Variants in MAP3K4 observed in about 807,000 individuals in gnomAD.
MAP3K4 encodes mitogen-activated protein kinase kinase kinase 4.
Under a neutral mutation model 185.6 loss-of-function variants are expected in MAP3K4, and 67 were observed. That is an observed-to-expected ratio of 0.36 (90% CI 0.30 to 0.44). The LOEUF (loss-of-function observed/expected upper bound fraction) is 0.44, where lower values mean the gene tolerates loss of function less well. MAP3K4 is among the 20% of genes least tolerant of loss of function. The pLI, the probability that MAP3K4 is intolerant of heterozygous loss-of-function variation, is 1.00. For synonymous variants in MAP3K4, 702 were observed against 710.4 expected (o/e 0.99, Z 0.19); for missense variants, 1,551 against 1,995.1 (o/e 0.78, Z 4.24).
At chr6:161,036,246 A>G (rs1288903951) in intron 2 of MAP3K4, among the ~76,000 whole-genome samples, 1 of 152,222 alleles carries the variant, frequency 6.6e-6, no homozygotes, top group Non-Finnish European at 1.5e-5. Context: ...CTCAGAGATC[A>G]TTTGCTCAAG....
rs901634738 is a variant in MAP3K4, at chr6:161,076,316, A to G, written c.2097+2704A>G. ...ACAGAAGGAGCGCGAGCTATACCGC[A>G]GCCTTCTCTGGTTGTCAGGAAGACT... On this transcript the variant is annotated intron_variant, in intron 5 of 26. Transcript: ENST00000392142. This position sits in a 1 kb window ranked among gnomAD's most constrained non-coding sequence, Gnocchi z 4.2. Among the ~76,000 whole-genome samples the G allele has an allele frequency of 2.6e-5, 4 of 152,206 alleles. No individual in the cohort carries two copies. Among genetic ancestry groups the G allele is most frequent in the African/African-American group, 9.7e-5 (4 of 41,446 alleles).
intron 15 of MAP3K4, among the ~76,000 whole-genome samples, chr6:161,095,686 A>G (rs1777534801): frequency 6.6e-6 from 1 of 152,216 alleles, no homozygotes; most frequent in Non-Finnish European, 1.5e-5. Flanking sequence ...TGTGGCCGTC[A>G]TGAATGTACT....
chr6:161,101,655 A>G lies in MAP3K4; in HGVS notation c.3675-237A>G. ...ACAGACTCCAGAGGACGGTCTCCAC[A>G]GCAGCGCTGTTCACTTAGGGGGCTG... is the stretch of plus-strand genomic sequence containing the variant. On this transcript the variant is annotated intron_variant, in intron 17 of 26. Transcript: ENST00000392142. This position sits in a 1 kb window ranked among gnomAD's most constrained non-coding sequence, Gnocchi z 5.1. The G allele has an allele frequency of 2.3e-6, 1 of 436,442 alleles. No individual in the cohort carries two copies. The allele number at this position is 436,442 out of a possible 1,614,324, so 27.0% of individuals were successfully genotyped here.
rs934648994 is a variant in MAP3K4, at chr6:161,049,421, A to G, written c.1149A>G (p.Ala383=). 7.4e-6 allele frequency: 12 copies of G among 1,614,120 alleles called. No individual in the cohort carries two copies. Among genetic ancestry groups the G allele is most frequent in the African/African-American group, 1.3e-5 (1 of 75,074 alleles). Residue 383 remains alanine, a synonymous_variant, in exon 3 of 27, where the codon GCA becomes GCG. Transcript: ENST00000392142. This position sits in a 1 kb window ranked among gnomAD's most constrained non-coding sequence, Gnocchi z 8.4. The stretch of plus-strand genomic sequence containing the variant: ...AGAAGGACTATGAAAAATATGCTGC[A>G]AAAGACTTCCAGGACAGGGTGCAGG... ...ALQKDYEKYA[A]KDFQDRVQAL...
rs943791766 is a variant in MAP3K4 at position 161,051,007 on chromosome 6, C to T, written c.1707+1028C>T. 6.6e-6 allele frequency among the ~76,000 whole-genome samples: 1 copy of T among 152,152 alleles called. No homozygotes were observed. The highest frequency in any genetic ancestry group is 1.5e-5 in the Non-Finnish European group (1 of 68,036). On this transcript the variant is annotated intron_variant, in intron 3 of 26. Coordinates refer to ENST00000392142, the MANE Select transcript of MAP3K4 (RefSeq NM_005922.4). The surrounding 1 kb of genome is among the most constrained non-coding windows in gnomAD (Gnocchi z 4.2). Reference sequence around the variant, plus strand: ...TTTGCATATAACCAATGCACAACCTCGTATGCTTTAATCTCGAGATTATGT... The same window carrying T: ...TTTGCATATAACCAATGCACAACCTTGTATGCTTTAATCTCGAGATTATGT...
intron 1 of MAP3K4, among the ~76,000 whole-genome samples, chr6:161,003,475 G>C (rs757994311): frequency 4.6e-5 from 7 of 152,122 alleles, no homozygotes; most frequent in Non-Finnish European, 7.3e-5. Flanking sequence ...CTTGATTAGA[G>C]TTCTAGAAAT....
chr6:161,057,508 AG>A (rs1288102008), intron 3 of MAP3K4, among the ~76,000 whole-genome samples: 1 of 152,190 alleles, frequency 6.6e-6, no homozygotes, highest in Non-Finnish European at 1.5e-5. Flanking sequence ...CATTACCTAG[AG>A]GGCTTTTAAA....
In MAP3K4 at chr6:161,091,663, CTT is replaced by C. The variant is rs749791970; in HGVS notation, c.3135+124_3135+125del. ...ATCATAGCTTAATCAAGAATATCATCTTATATCACTGCTGTATATCAGAGATG... is the reference window on the plus strand; with the variant it reads ...ATCATAGCTTAATCAAGAATATCATCATATCACTGCTGTATATCAGAGATG... On this transcript the variant is annotated intron_variant, in intron 12 of 26. Coordinates refer to ENST00000392142, the MANE Select transcript of MAP3K4 (RefSeq NM_005922.4). This position sits in a 1 kb window ranked among gnomAD's most constrained non-coding sequence, Gnocchi z 5.5. 114 of 816,806 alleles carry C rather than the reference CTT, an allele frequency of 1.4e-4. No individual in the cohort carries two copies. The highest frequency in any genetic ancestry group is 2.1e-4 in the Non-Finnish European group (107 of 514,242). The allele number at this position is 816,806 out of a possible 1,614,324, so 50.6% of individuals were successfully genotyped here. A position where few individuals can be genotyped will look rare whatever the true frequency, so the allele number is the denominator to read the frequency against.
At chr6:161,102,821 AAAAC>A in intron 19 of MAP3K4, 42 bp downstream of exon 19, 1 of 1,331,012 alleles carries the variant, frequency 7.5e-7, no homozygotes, top group Non-Finnish European at 1.0e-6. Context: ...AAAAAAAAAA[AAAAC>A]ACGATTACAC....
intron 1 of MAP3K4, among the ~76,000 whole-genome samples, chr6:161,033,263 A>G (rs1783012971): frequency 6.6e-6 from 1 of 152,168 alleles, no homozygotes. Flanking sequence ...AAATGTTCAG[A>G]AAGAGGTAGA....
intron 1 of MAP3K4, among the ~76,000 whole-genome samples, chr6:160,997,788 A>T (rs969318704): frequency 1.3e-5 from 2 of 152,110 alleles, no homozygotes; most frequent in African/African-American, 4.8e-5. Context: ...CTTCTTACAG[A>T]TGCCAGGCCA....
At chr6:161,024,806 C>T (rs1782564040) in intron 1 of MAP3K4, among the ~76,000 whole-genome samples, 1 of 152,176 alleles carries the variant, frequency 6.6e-6, no homozygotes, top group African/African-American at 2.4e-5. Context: ...TTTTTTTCCA[C>T]CTTTCTGTCA....
intron 3 of MAP3K4, among the ~76,000 whole-genome samples, chr6:161,065,726 C>T (rs1784676049): frequency 6.6e-6 from 1 of 152,130 alleles, no homozygotes; most frequent in African/African-American, 2.4e-5. Context: ...ATCATGAGAT[C>T]AGGAGATCAA....
At chr6:161,055,432 A>G (rs1351330332) in intron 3 of MAP3K4, among the ~76,000 whole-genome samples, 6 of 152,240 alleles carry the variant, frequency 3.9e-5, no homozygotes, top group African/African-American at 1.2e-4. Flanking sequence ...ATTGATAGAA[A>G]ATTTGCAAAG....
chr6:161,110,370 C>T lies in MAP3K4; in HGVS notation c.4396+456C>T, dbSNP rs1474769424. Among the ~76,000 whole-genome samples, 4 of 152,056 alleles carry T rather than the reference C, an allele frequency of 2.6e-5. No individual in the cohort carries two copies. The highest frequency in any genetic ancestry group is 9.7e-5 in the African/African-American group (4 of 41,386). ...CAAGAATGGGGTTTGTTTACACAAACCTTGAAATTGAGTTCTGCTGAAGGT... is the reference window on the plus strand; with the variant it reads ...CAAGAATGGGGTTTGTTTACACAAATCTTGAAATTGAGTTCTGCTGAAGGT... On this transcript the variant is annotated intron_variant, in intron 23 of 26. Transcript: ENST00000392142. The surrounding 1 kb of genome is among the most constrained non-coding windows in gnomAD (Gnocchi z 4.8).
At chr6:161,081,084 T>A (rs1785430785) in intron 6 of MAP3K4, 46 bp downstream of exon 6, 1 of 1,584,254 alleles carries the variant, frequency 6.3e-7, no homozygotes, top group Non-Finnish European at 8.6e-7. Context: ...ACCTTCTCAC[T>A]CTCACACCAT....
At chr6:161,050,106 C>A in intron 3 of MAP3K4, 127 bp downstream of exon 3, 1 of 884,554 alleles carries the variant, frequency 1.1e-6, no homozygotes, top group Non-Finnish European at 1.7e-6. Context: ...TTATAAATTG[C>A]ACATTTAAGC....
rs1011629793 is a variant in MAP3K4 at position 161,077,211 on chromosome 6, GAGAT to G, written c.2097+3603_2097+3606del. Among the ~76,000 whole-genome samples, 3 of 152,128 alleles carry G rather than the reference GAGAT, an allele frequency of 2.0e-5. No homozygotes were observed. The highest frequency in any genetic ancestry group is 4.4e-5 in the Non-Finnish European group (3 of 68,026). On this transcript the variant is annotated intron_variant, in intron 5 of 26. Coordinates refer to ENST00000392142, the MANE Select transcript of MAP3K4 (RefSeq NM_005922.4). The surrounding 1 kb of genome is among the most constrained non-coding windows in gnomAD (Gnocchi z 4.3). ...TTGTTGCCTCTGGGGAGGGAGGAAA[GAGAT>G]AGAAGTGAAGAGAGAACAAAGGAGA...
At position 161,048,786 on chromosome 6, in the gene MAP3K4, G is replaced by A. The variant is rs1194874871; in HGVS notation, c.514G>A (p.Gly172Arg). The change falls in exon 3 of 27, where the codon GGA (glycine) becomes AGA (arginine). Residue 172 changes from glycine (G) to arginine (R), a missense_variant. Transcript: ENST00000392142. The surrounding 1 kb of genome is among the most constrained non-coding windows in gnomAD (Gnocchi z 4.7). ...CTCATTCATGTTAGACTCAGTGGGT[G>A]GATCTTTGCCAAAAAAATCAATTCC... ...QCSFMLDSVG[G>R]SLPKKSIPDV... is the part of the protein sequence containing the mutation. The A allele has an allele frequency of 1.2e-6, 2 of 1,613,926 alleles. No homozygotes were observed. Among genetic ancestry groups the A allele is most frequent in the Admixed American group, 1.7e-5 (1 of 59,984 alleles).
Sources: gnomAD v4.1 joint callset for allele counts (sites outside exome capture counted in the v4.1 genomes callset) on GRCh38, gnomAD v4.1.1 for gene constraint, Gnocchi (gnomAD v3.1) non-coding constraint, MANE v1.5 for transcripts, NCBI Gene and HGNC (gene_info 2026-07-23, HGNC 2026-07-21) for gene names.